Variants in MAPRE2 observed in about 807,000 individuals in gnomAD.
MAPRE2 encodes microtubule-associated protein RP/EB family member 2.
A neutral mutation model predicts 43.2 loss-of-function variants in MAPRE2; 13 were observed. The observed-to-expected ratio is 0.30, with a 90% CI of 0.20 to 0.48. The LOEUF (loss-of-function observed/expected upper bound fraction) is 0.48. Among genes scored for constraint, MAPRE2 ranks in the 20% least tolerant of loss-of-function variants. The pLI, the probability that MAPRE2 is intolerant of heterozygous loss-of-function variation, is 0.99. For synonymous variants in MAPRE2, 135 were observed against 148.8 expected, an observed-to-expected ratio of 0.91 and a Z score of 0.68; for missense variants, 161 against 400.2, an observed-to-expected ratio of 0.40 and a Z score of 5.10.
At chr18:35,084,420 T>C (rs1747161044) in intron 2 of MAPRE2, among the ~76,000 whole-genome samples, 2 of 152,232 alleles carry the variant, frequency 1.3e-5, no homozygotes, top group Non-Finnish European at 2.9e-5. Context: ...TTTAAGATCA[T>C]ATGAATTAAT....
intron 1 of MAPRE2, among the ~76,000 whole-genome samples, chr18:35,057,124 C>T (rs534010021): frequency 2.0e-5 from 3 of 152,288 alleles, no homozygotes; most frequent in Admixed American, 2.0e-4. Context: ...AAGGTATTCT[C>T]CTGCCTCAGC....
intron 6 of MAPRE2, among the ~76,000 whole-genome samples, chr18:35,133,324 T>G (rs182145552): frequency 4.6e-5 from 7 of 152,322 alleles, no homozygotes; most frequent in Admixed American, 4.6e-4. Flanking sequence ...GCTCAGAATT[T>G]GAAGCCCTGA....
intron 4 of MAPRE2, among the ~76,000 whole-genome samples, chr18:35,119,668 G>T (rs1909583018): frequency 6.6e-6 from 1 of 152,192 alleles, no homozygotes; most frequent in Non-Finnish European, 1.5e-5. Context: ...GGAGCCCATT[G>T]GTGGGTTATG....
intron 2 of MAPRE2, among the ~76,000 whole-genome samples, chr18:35,070,986 A>G (rs1428147466): frequency 6.6e-6 from 1 of 152,048 alleles, no homozygotes; most frequent in African/African-American, 2.4e-5. Flanking sequence ...TTCCTGAAAC[A>G]CTGTGCTCAT....
At chr18:35,005,966 A>AGAGCGTGC (rs1438187966) in intron 2 of MAPRE2, among the ~76,000 whole-genome samples, 3 of 152,178 alleles carry the variant, frequency 2.0e-5, no homozygotes, top group Non-Finnish European at 4.4e-5. Flanking sequence ...AGACAGAGTG[A>AGAGCGTGC]GAGCGTGCGA....
chr18:35,119,324 A>C (rs969318924), intron 4 of MAPRE2, among the ~76,000 whole-genome samples: 13 of 152,032 alleles, frequency 8.6e-5, no homozygotes, highest in African/African-American at 3.1e-4. Context: ...CCTATTTAAA[A>C]TTGCTACTTA....
At chr18:35,055,359 C>G (rs1906164121) in intron 1 of MAPRE2, among the ~76,000 whole-genome samples, 1 of 152,126 alleles carries the variant, frequency 6.6e-6, no homozygotes, top group South Asian at 2.1e-4. Context: ...ATCACCTGGC[C>G]TTCTTCATCT....
At chr18:35,120,233 G>A (rs965739446) in intron 4 of MAPRE2, among the ~76,000 whole-genome samples, 1 of 152,138 alleles carries the variant, frequency 6.6e-6, no homozygotes, top group Non-Finnish European at 1.5e-5. Context: ...CACGAGATTG[G>A]TGTGGCTAGT....
rs34590867 is a variant in MAPRE2, at chr18:35,059,323, T to TA, written c.123-10859dup. Among the ~76,000 whole-genome samples the TA allele has an allele frequency of 4.7e-3, 688 of 145,296 alleles. 5 individuals are homozygous for TA. Among genetic ancestry groups the TA allele is most frequent in the African/African-American group, 0.015 (610 of 40,040 alleles). ...TTCCAGACATTTCCCTACTCACCTT[T>TA]AAAAAAAAAAAAATGCCTAGAAGAC... On this transcript the variant is annotated intron_variant, in intron 1 of 6. Transcript: ENST00000300249.
intron 4 of MAPRE2, among the ~76,000 whole-genome samples, chr18:35,112,832 C>T (rs1909239796): frequency 6.6e-6 from 1 of 152,190 alleles, no homozygotes; most frequent in Non-Finnish European, 1.5e-5. Context: ...AACTAGGTAG[C>T]TTTGTATAAA....
At chr18:35,081,554 C>T (rs1907631340) in intron 2 of MAPRE2, among the ~76,000 whole-genome samples, 1 of 152,270 alleles carries the variant, frequency 6.6e-6, no homozygotes, top group Admixed American at 6.5e-5. Context: ...GGAGCATCCT[C>T]CTCTGGAAAG....
At chr18:35,066,818 G>T (rs776005845) in intron 1 of MAPRE2, among the ~76,000 whole-genome samples, 2 of 152,168 alleles carry the variant, frequency 1.3e-5, no homozygotes, top group Non-Finnish European at 2.9e-5. Context: ...GGCAAACATT[G>T]GGAGCAAAGA....
At chr18:35,047,144 A>T (rs1169410571) in intron 1 of MAPRE2, among the ~76,000 whole-genome samples, 1 of 152,154 alleles carries the variant, frequency 6.6e-6, no homozygotes, top group Admixed American at 6.6e-5. Flanking sequence ...TACCCTAAAT[A>T]GTGTGTGTGT....
intron 2 of MAPRE2, among the ~76,000 whole-genome samples, chr18:35,092,585 A>G (rs544951973): frequency 6.6e-6 from 1 of 152,228 alleles, no homozygotes; most frequent in Non-Finnish European, 1.5e-5. Context: ...TTAAAAGCAC[A>G]GCTAACAAAA....
intron 6 of MAPRE2, among the ~76,000 whole-genome samples, chr18:35,134,524 A>G (rs1910299881): frequency 6.6e-6 from 1 of 152,244 alleles, no homozygotes; most frequent in Admixed American, 6.5e-5. Flanking sequence ...AGGTTTATCT[A>G]ACTCAGAGGC....
At chr18:35,083,437 C>T (rs573561870) in intron 2 of MAPRE2, among the ~76,000 whole-genome samples, 21 of 152,266 alleles carry the variant, frequency 1.4e-4, no homozygotes, top group Non-Finnish European at 2.9e-4. Flanking sequence ...CTTTTTATGT[C>T]CCCTTTGCTC....
At chr18:35,104,107 C>T (rs946188709) in intron 4 of MAPRE2, among the ~76,000 whole-genome samples, 7 of 151,970 alleles carry the variant, frequency 4.6e-5, no homozygotes, top group Non-Finnish European at 7.4e-5. Flanking sequence ...GAACAAAAAC[C>T]GTAGGAAATT....
intron 4 of MAPRE2, among the ~76,000 whole-genome samples, chr18:35,123,415 G>A (rs1909774318): frequency 6.6e-6 from 1 of 152,164 alleles, no homozygotes; most frequent in African/African-American, 2.4e-5. Flanking sequence ...ATGAAAGACT[G>A]CCAGGGTGGG....
chr18:34,985,996 A>C (rs1205422599), intron 1 of MAPRE2, among the ~76,000 whole-genome samples: 1 of 151,940 alleles, frequency 6.6e-6, no homozygotes, highest in Non-Finnish European at 1.5e-5. Context: ...ACAGAGGCAA[A>C]ACATCCAAAA....
Sources: allele counts gnomAD v4.1 joint callset (sites outside exome capture counted in the v4.1 genomes callset), GRCh38; gene constraint gnomAD v4.1.1; transcripts MANE v1.5; gene names NCBI Gene and HGNC (gene_info 2026-07-23, HGNC 2026-07-21).